Variants in FAM193B observed in about 807,000 individuals in gnomAD.
FAM193B encodes protein FAM193B.
Under a neutral mutation model 70.7 loss-of-function variants are expected in FAM193B, and 27 were observed. The observed-to-expected ratio is 0.38, with a 90% confidence interval of 0.28 to 0.53. FAM193B has a LOEUF of 0.53. Ranked by LOEUF, FAM193B falls within the 20% of genes least tolerant of loss-of-function variation. FAM193B has a pLI of 0.81. For synonymous variants in FAM193B, 448 were observed against 436.0 expected (o/e 1.03, Z -0.34); for missense variants, 1,022 against 1,072.5 (o/e 0.95, Z 0.66).
chr5:177,553,649 G>A (rs1426650304), intron 1 of FAM193B: 50 of 1,276,946 alleles, frequency 3.9e-5, no homozygotes, highest in Non-Finnish European at 5.0e-5. Flanking sequence ...GCAGGGGAGG[G>A]AAGAAGGGCA....
At chr5:177,553,737 GCT>G in intron 1 of FAM193B, 1 of 1,287,850 alleles carries the variant, frequency 7.8e-7, no homozygotes, top group Non-Finnish European at 1.0e-6. Context: ...TGCTCCAACT[GCT>G]CTGCTGGGTA....
chr5:177,536,764 G>C lies in FAM193B; in HGVS notation c.689-19C>G. The C allele has an allele frequency of 6.5e-7, 1 of 1,547,764 alleles. No homozygotes were observed. The highest frequency in any genetic ancestry group is 8.7e-7 in the Non-Finnish European group (1 of 1,146,972). On this transcript the variant is annotated intron_variant, in intron 3 of 8. Transcript: ENST00000514747. ...GCCTCACCTGTGGGCAGAGGGAGGAGAAAGGGGTCAGAATGGGAGCCCAGA... is the reference window on the plus strand; with the variant it reads ...GCCTCACCTGTGGGCAGAGGGAGGACAAAGGGGTCAGAATGGGAGCCCAGA...
intron 8 of FAM193B, among the ~76,000 whole-genome samples, chr5:177,521,228 C>T (rs1245520037): frequency 6.6e-6 from 1 of 152,234 alleles, no homozygotes; most frequent in Admixed American, 6.5e-5. Context: ...AGCCCAAGGT[C>T]TGCCTGCTAG....
chr5:177,524,822 T>C lies in FAM193B; in HGVS notation c.1659A>G (p.Pro553=). The C allele has an allele frequency of 6.6e-7, 1 of 1,509,910 alleles. No homozygotes were observed. Among genetic ancestry groups the C allele is most frequent in the Non-Finnish European group, 8.8e-7 (1 of 1,131,838 alleles). The allele number at this position is 1,509,910 out of a possible 1,614,324, so 93.5% of individuals were successfully genotyped here. The change falls in exon 6 of 9, where the codon CCA becomes CCG. Residue 553 remains proline, a synonymous_variant. Transcript: ENST00000514747. ...CTCTCATTTCTGCCCATGGTGGGGC[T>C]GGCTCGCCTGGAGCTTGTAACGTGT... is the stretch of plus-strand genomic sequence containing the variant. The part of the protein sequence containing the change: ...QNHTLQAPGE[P]APPWAEMRGP...
intron 5 of FAM193B, among the ~76,000 whole-genome samples, chr5:177,529,812 G>A (rs756772442): frequency 1.3e-5 from 2 of 152,204 alleles, no homozygotes; most frequent in East Asian, 3.8e-4. Context: ...AAGAAGCCAG[G>A]AAAGGCCAGA....
intron 1 of FAM193B, chr5:177,553,912 G>C (rs1766667327): frequency 2.5e-6 from 3 of 1,219,456 alleles, no homozygotes; most frequent in East Asian, 1.0e-4. Context: ...TGGGCCCGGG[G>C]GAGGTGGCGG....
At position 177,524,544 on chromosome 5, in the gene FAM193B, T is replaced by TTCTTGGCCTGACTGCCCTGCC. The variant is rs766931926; in HGVS notation, c.1916_1936dup (p.Arg639_Lys645dup). 6.2e-7 allele frequency: 1 copy of TTCTTGGCCTGACTGCCCTGCC among 1,611,560 alleles called. No individual in the cohort carries two copies. The highest frequency in any genetic ancestry group is 1.3e-5 in the African/African-American group (1 of 75,024). ...CCGGGGGGCTGGGCTTGCCTCGCTC[T>TTCTTGGCCTGACTGCCCTGCC]TCTTGGCCTGACTGCCCTGCCTCTT... On this transcript the variant is annotated inframe_insertion, in exon 6 of 9. Transcript: ENST00000514747.
In FAM193B at chr5:177,532,537, C is replaced by A; in HGVS notation, c.1181G>T (p.Ser394Ile). ...DEGLGEEEDS[S>I]SERSSCTSSS... ...TGAGGTGCAGGAGCTTCGCTCAGAGCTGCTATCCTCTTCCTCACCCAGCCC... is the reference window on the plus strand; with the variant it reads ...TGAGGTGCAGGAGCTTCGCTCAGAGATGCTATCCTCTTCCTCACCCAGCCC... Residue 394 changes from serine to isoleucine, a missense_variant, in exon 5 of 9, where the codon AGC becomes ATC. Transcript: ENST00000514747. This position sits in a 1 kb window ranked among gnomAD's most constrained non-coding sequence, Gnocchi z 4.9. 1 of 1,607,170 alleles carries A rather than the reference C, an allele frequency of 6.2e-7. No individual in the cohort carries two copies. Among genetic ancestry groups the A allele is most frequent in the Non-Finnish European group, 8.5e-7 (1 of 1,177,396 alleles).
At chr5:177,523,911 G>C (rs1366799935) in intron 7 of FAM193B, 46 bp downstream of exon 7, 2 of 1,599,604 alleles carry the variant, frequency 1.3e-6, no homozygotes, top group Admixed American at 3.3e-5. Flanking sequence ...GTGTGGGCAG[G>C]ACCTGGAGTC....
At chr5:177,530,193 G>A (rs1763239343) in intron 5 of FAM193B, among the ~76,000 whole-genome samples, 1 of 152,210 alleles carries the variant, frequency 6.6e-6, no homozygotes, top group East Asian at 1.9e-4. Flanking sequence ...CCGAGGAATA[G>A]ATCACCAGGT....
At chr5:177,550,239 T>G (rs1766023741) in intron 1 of FAM193B, among the ~76,000 whole-genome samples, 1 of 152,206 alleles carries the variant, frequency 6.6e-6, no homozygotes, top group African/African-American at 2.4e-5. Context: ...CTCTACTGGC[T>G]TACAAAGAAG....
intron 5 of FAM193B, among the ~76,000 whole-genome samples, chr5:177,528,258 A>T (rs760748608): frequency 1.3e-5 from 2 of 152,200 alleles, no homozygotes; most frequent in African/African-American, 2.4e-5. Flanking sequence ...ATTTGGCAAC[A>T]AAAAAGTCAC....
At chr5:177,531,321 G>A (rs760420358) in intron 5 of FAM193B, 1 of 1,354,802 alleles carries the variant, frequency 7.4e-7, no homozygotes, top group Non-Finnish European at 9.9e-7. Context: ...TGGCGGCCCT[G>A]GCGCTGTTGG....
chr5:177,531,382 C>T (rs749804534), intron 5 of FAM193B: 11 of 1,359,208 alleles, frequency 8.1e-6, no homozygotes, highest in Non-Finnish European at 2.9e-6. Context: ...ATCCACATCT[C>T]GGTGGTCCAC....
In FAM193B at chr5:177,524,679, G is replaced by A. The variant is rs1468106771; in HGVS notation, c.1802C>T (p.Thr601Ile). The change falls in exon 6 of 9, where the codon ACA (threonine) becomes ATA (isoleucine). Residue 601 changes from threonine to isoleucine, a missense_variant. Thr to Ile is a moderately conservative substitution (Grantham distance 89, BLOSUM62 -1). Transcript: ENST00000514747. Reference sequence around the variant, plus strand: ...GGAGCTGGGGTAGCCCGGCTTGGGTGTCTTGACCCAGATCACCCGGGATAG... The same window carrying A: ...GGAGCTGGGGTAGCCCGGCTTGGGTATCTTGACCCAGATCACCCGGGATAG... ...PNLSRVIWVK[T>I]PKPGYPSSEE... 4.3e-6 allele frequency: 7 copies of A among 1,609,890 alleles called. No individual in the cohort carries two copies. The highest frequency in any genetic ancestry group is 5.9e-6 in the Non-Finnish European group (7 of 1,178,362).
At chr5:177,542,851 C>A (rs1330979545) in intron 1 of FAM193B, among the ~76,000 whole-genome samples, 1 of 152,206 alleles carries the variant, frequency 6.6e-6, no homozygotes, top group Non-Finnish European at 1.5e-5. Context: ...GAGGCAGGTG[C>A]CAGGTCTGAT....
At position 177,524,426 on chromosome 5, in the gene FAM193B, G is replaced by A. The variant is rs1762269962; in HGVS notation, c.2055C>T (p.Ser685=). 6.2e-7 allele frequency: 1 copy of A among 1,602,748 alleles called. No homozygotes were observed. Among genetic ancestry groups the A allele is most frequent in the African/African-American group, 1.3e-5 (1 of 74,782 alleles). ...GGCTCCCCTCTCCAGCCTCAGCACA[G>A]CTGCCTACTTTGGGAAGCTCTAGGA... is the stretch of plus-strand genomic sequence containing the variant. ...GRVLELPKVG[S]CAEAGEGSRG... Residue 685 remains serine (S), a synonymous_variant, in exon 6 of 9, where the codon AGC becomes AGT. Coordinates refer to ENST00000514747, the MANE Select transcript of FAM193B (RefSeq NM_001190946.3).
intron 1 of FAM193B, among the ~76,000 whole-genome samples, chr5:177,550,819 CT>C (rs1766120523): frequency 6.6e-6 from 1 of 152,164 alleles, no homozygotes; most frequent in South Asian, 2.1e-4. Flanking sequence ...GGTTGCTTCT[CT>C]TGTGAAGTAT....
At chr5:177,539,268 C>A in intron 1 of FAM193B, 121 bp from the exon 2 acceptor site, 1 of 1,274,618 alleles carries the variant, frequency 7.8e-7, no homozygotes, top group South Asian at 1.6e-5. Flanking sequence ...ACTTTTTAGA[C>A]ATAATTAAAA....
Sources: gnomAD v4.1 joint callset for allele counts (sites outside exome capture counted in the v4.1 genomes callset) on GRCh38, gnomAD v4.1.1 for gene constraint, Gnocchi (gnomAD v3.1) non-coding constraint, MANE v1.5 for transcripts, NCBI Gene and HGNC (gene_info 2026-07-23, HGNC 2026-07-21) for gene names.